The following FHOD3 variants were observed in gnomAD, a reference collection of about 807,000 sequenced individuals.
The protein encoded by FHOD3 is formin homology 2 domain containing 3.
FHOD3 carries 90 observed loss-of-function variants against 173.0 expected under a neutral mutation model. The observed-to-expected ratio is 0.52, with a 90% CI of 0.44 to 0.62. FHOD3 has a LOEUF of 0.62. FHOD3 is among the 20% of genes least tolerant of loss of function. The probability of loss-of-function intolerance (pLI) is 0.00; values close to 1 mark genes in which losing one functional copy is unlikely to be tolerated. For synonymous variants in FHOD3, 828 were observed against 823.0 expected (o/e 1.01, Z -0.10); for missense variants, 1,945 against 2,034.7 (o/e 0.96, Z 0.85).
intron 17 of FHOD3, among the ~76,000 whole-genome samples, chr18:36,697,231 C>T (rs2039335930): frequency 6.6e-6 from 1 of 152,148 alleles, no homozygotes; most frequent in South Asian, 2.1e-4. Flanking sequence ...CACCTGAAAA[C>T]CATATGTTGA....
intron 9 of FHOD3, among the ~76,000 whole-genome samples, chr18:36,614,920 G>A (rs886684424): frequency 3.7e-5 from 5 of 136,206 alleles, no homozygotes; most frequent in African/African-American, 1.1e-4. Flanking sequence ...ATGCAATCTC[G>A]GCTCACCGCA....
At chr18:36,706,500 C>G (rs747483370) in intron 17 of FHOD3, among the ~76,000 whole-genome samples, 1 of 152,236 alleles carries the variant, frequency 6.6e-6, no homozygotes, top group South Asian at 2.1e-4. Flanking sequence ...ACTCCTCCCC[C>G]ACAAGAGTGT....
intron 1 of FHOD3, among the ~76,000 whole-genome samples, chr18:36,304,228 G>A (rs759330064): frequency 6.6e-6 from 1 of 152,158 alleles, no homozygotes; most frequent in Non-Finnish European, 1.5e-5. Context: ...TTAGGTTTAA[G>A]TAACAGTTTA....
intron 11 of FHOD3, among the ~76,000 whole-genome samples, chr18:36,649,924 C>T (rs2035937779): frequency 1.3e-5 from 2 of 152,200 alleles, no homozygotes; most frequent in South Asian, 2.1e-4. Flanking sequence ...TATTTATTTT[C>T]ACACCAAGAC....
At chr18:36,380,051 G>A (rs2047658727) in intron 3 of FHOD3, among the ~76,000 whole-genome samples, 1 of 151,914 alleles carries the variant, frequency 6.6e-6, no homozygotes, top group South Asian at 2.1e-4. Flanking sequence ...ATACCTAATG[G>A]GAAGCATTTT....
chr18:36,665,892 G>C (rs1382281624), intron 14 of FHOD3, among the ~76,000 whole-genome samples: 1 of 152,200 alleles, frequency 6.6e-6, no homozygotes, highest in African/African-American at 2.4e-5. Flanking sequence ...CCAAACAGGT[G>C]GACTTGGGGC....
intron 5 of FHOD3, among the ~76,000 whole-genome samples, chr18:36,546,870 C>T (rs531303013): frequency 1.3e-5 from 2 of 152,266 alleles, no homozygotes; most frequent in East Asian, 3.9e-4. Context: ...TATGTTGACT[C>T]CCTCAAATCA....
intron 10 of FHOD3, 50 bp downstream of exon 10, chr18:36,625,799 G>T: frequency 1.4e-6 from 2 of 1,470,212 alleles, no homozygotes; most frequent in Admixed American, 1.9e-5. Flanking sequence ...CCATCCAAAA[G>T]AGAGCCCACA....
chr18:36,447,989 T>C (rs1455064339), intron 3 of FHOD3, among the ~76,000 whole-genome samples: 4 of 152,158 alleles, frequency 2.6e-5, no homozygotes, highest in Non-Finnish European at 5.9e-5. Context: ...TTTTGTGCCT[T>C]TGGACTTTTG....
chr18:36,325,632 G>T (rs915106444), intron 1 of FHOD3, among the ~76,000 whole-genome samples: 1 of 152,188 alleles, frequency 6.6e-6, no homozygotes, highest in Admixed American at 6.5e-5. Context: ...GGTGCTAGCG[G>T]TGGGCAGGGT....
chr18:36,632,418 A>G (rs2034580480), intron 10 of FHOD3, among the ~76,000 whole-genome samples: 1 of 152,156 alleles, frequency 6.6e-6, no homozygotes, highest in Admixed American at 6.5e-5. Flanking sequence ...ATTTTAATTG[A>G]CCTACAACTA....
At chr18:36,767,819 TACAC>T (rs755778635) in intron 27 of FHOD3, among the ~76,000 whole-genome samples, 5 of 151,338 alleles carry the variant, frequency 3.3e-5, no homozygotes, top group African/African-American at 9.7e-5. Flanking sequence ...ATATGTCAAC[TACAC>T]ACACACACAC....
At chr18:36,377,385 G>A (rs1040901088) in intron 3 of FHOD3, among the ~76,000 whole-genome samples, 1 of 148,736 alleles carries the variant, frequency 6.7e-6, no homozygotes, top group African/African-American at 2.5e-5. Flanking sequence ...CCCCCCTCTA[G>A]CTTCCTTTTC....
In FHOD3 at chr18:36,444,171, C is replaced by A. The variant is rs1335523681; in HGVS notation, c.338-57761C>A. ...TCATGCCCCTGCCCTCCAGCATGGG[C>A]GACAGAGTGAGACTCCGTCTCAAAA... On this transcript the variant is annotated intron_variant, in intron 3 of 28. Transcript: ENST00000590592. Among the ~76,000 whole-genome samples the A allele has an allele frequency of 2.5e-5, 3 of 121,766 alleles. No individual in the cohort carries two copies. The East Asian group carries it at 7.0e-4, about 28-fold the overall frequency. 79.9% of individuals were successfully genotyped at this position (121,766 alleles called of 152,430 possible).
chr18:36,583,324 G>T (rs963590792), intron 6 of FHOD3, among the ~76,000 whole-genome samples: 51 of 152,236 alleles, frequency 3.4e-4, no homozygotes, highest in Non-Finnish European at 2.6e-4. Context: ...CCTTGGGGTG[G>T]GTTGCTTTTT....
intron 17 of FHOD3, among the ~76,000 whole-genome samples, chr18:36,694,994 T>TGCAC (rs1026728682): frequency 2.5e-4 from 38 of 151,454 alleles, no homozygotes; most frequent in African/African-American, 9.3e-4. Flanking sequence ...TGTGTGTGTG[T>TGCAC]GTGCGTGTGT....
intron 3 of FHOD3, among the ~76,000 whole-genome samples, chr18:36,489,783 A>G (rs2054373110): frequency 6.6e-6 from 1 of 152,248 alleles, no homozygotes. Context: ...AAGAATTATG[A>G]AAGTCCATCA....
chr18:36,432,472 G>A (rs891326761), intron 3 of FHOD3, among the ~76,000 whole-genome samples: 1 of 152,194 alleles, frequency 6.6e-6, no homozygotes, highest in Admixed American at 6.5e-5. Flanking sequence ...AGTGGGCAGG[G>A]ATGACTCAGC....
chr18:36,687,735 G>A (rs1331968187), intron 16 of FHOD3, among the ~76,000 whole-genome samples: 1 of 152,112 alleles, frequency 6.6e-6, no homozygotes, highest in Non-Finnish European at 1.5e-5. Flanking sequence ...AATAATATAT[G>A]GAATCAGTAA....
Sources: gnomAD v4.1 joint callset for allele counts (sites outside exome capture counted in the v4.1 genomes callset) on GRCh38, gnomAD v4.1.1 for gene constraint, MANE v1.5 for transcripts, NCBI Gene and HGNC (gene_info 2026-07-23, HGNC 2026-07-21) for gene names.